The following ZNF12 variants were observed in gnomAD, a reference collection of about 807,000 sequenced individuals.
The protein encoded by ZNF12 is gonadotropin inducible transcription repressor 3.
In ZNF12, 34 loss-of-function variants were observed where a neutral mutation model predicts 66.6. The observed-to-expected ratio is 0.51, with a 90% CI of 0.39 to 0.68. The LOEUF is 0.68. Ranked by LOEUF, ZNF12 falls within the 30% of genes least tolerant of loss-of-function variation. The pLI is 0.00. For missense variants in ZNF12, 697 were observed against 826.9 expected, an observed-to-expected ratio of 0.84 and a Z score of 1.93; for synonymous variants, 320 against 278.9, an observed-to-expected ratio of 1.15 and a Z score of -1.47.
At chr7:6,693,888 C>T (rs1363375155) in intron 4 of ZNF12, among the ~76,000 whole-genome samples, 1 of 152,202 alleles carries the variant, frequency 6.6e-6, no homozygotes, top group Non-Finnish European at 1.5e-5. Context: ...AGATCCCTGG[C>T]CGGGCGTGGT....
rs1448812428 is a variant in ZNF12 at position 6,705,362 on chromosome 7, T to A, written c.-50-139A>T. On this transcript the variant is annotated intron_variant, in intron 1 of 4. Transcript: ENST00000405858. This position sits in a 1 kb window ranked among gnomAD's most constrained non-coding sequence, Gnocchi z 4.0. ...TGTCCCTTTAAGCCTTCAGAAGGGATTGGAAAATGATCAGGAGGGGGACCG... is the reference window on the plus strand; with the variant it reads ...TGTCCCTTTAAGCCTTCAGAAGGGAATGGAAAATGATCAGGAGGGGGACCG... 9.9e-6 allele frequency: 6 copies of A among 608,442 alleles called. No homozygotes were observed. In the East Asian group the frequency reaches 1.7e-4, roughly 18 times the overall value. 37.7% of individuals were successfully genotyped at this position (608,442 alleles called of 1,614,324 possible). A position where few individuals can be genotyped will look rare whatever the true frequency, so the allele number is the denominator to read the frequency against.
chr7:6,693,969 A>T (rs1583463832), intron 4 of ZNF12, among the ~76,000 whole-genome samples: 1 of 151,888 alleles, frequency 6.6e-6, no homozygotes, highest in South Asian at 2.1e-4. Context: ...GGAGTTCGAG[A>T]CCAGCCTGGC....
At chr7:6,702,325 C>CACACACACACACACA (rs58794992) in intron 2 of ZNF12, among the ~76,000 whole-genome samples, 2 of 10,660 alleles carry the variant, frequency 1.9e-4, no homozygotes, top group African/African-American at 5.9e-4. Context: ...CACACACACA[C>CACACACACACACACA]CAGATTCGTC....
chr7:6,702,321 C>CACACACACAT (rs1780259708), intron 2 of ZNF12, among the ~76,000 whole-genome samples: 1 of 147,908 alleles, frequency 6.8e-6, no homozygotes, highest in Non-Finnish European at 1.5e-5. Flanking sequence ...CACACACACA[C>CACACACACAT]ACACCAGATT....
chr7:6,698,061 T>A lies in ZNF12; in HGVS notation c.16-250A>T. 1.4e-6 allele frequency: 1 copy of A among 692,200 alleles called. No individual in the cohort carries two copies. Among genetic ancestry groups the A allele is most frequent in the Non-Finnish European group, 2.7e-6 (1 of 373,180 alleles). The allele number at this position is 692,200 out of a possible 1,614,324, so 42.9% of individuals were successfully genotyped here. ...GTGAGCCAGAAACAATCCTGGCTGTTGGGAACTCTTAACACCAGCAGGGAC... is the reference window on the plus strand; with the variant it reads ...GTGAGCCAGAAACAATCCTGGCTGTAGGGAACTCTTAACACCAGCAGGGAC... On this transcript the variant is annotated intron_variant, in intron 2 of 4. Coordinates refer to ENST00000405858, the MANE Select transcript of ZNF12 (RefSeq NM_016265.4). This position sits in a 1 kb window ranked among gnomAD's most constrained non-coding sequence, Gnocchi z 4.4.
Position 6,698,424 on chromosome 7 carries a change from C to T in ZNF12, c.16-613G>A, listed in dbSNP as rs1354721083. Reference sequence around the variant, plus strand: ...CAGTCCAGGCCTCTCTCCTAAATTCCAGACACATATGTCCCAGATGGCAAA... The same window carrying T: ...CAGTCCAGGCCTCTCTCCTAAATTCTAGACACATATGTCCCAGATGGCAAA... On this transcript the variant is annotated intron_variant, in intron 2 of 4. Coordinates refer to ENST00000405858, the MANE Select transcript of ZNF12 (RefSeq NM_016265.4). The surrounding 1 kb of genome is among the most constrained non-coding windows in gnomAD (Gnocchi z 4.4). Among the ~76,000 whole-genome samples the T allele has an allele frequency of 6.6e-6, 1 of 152,154 alleles. No homozygotes were observed. Among genetic ancestry groups the T allele is most frequent in the Admixed American group, 6.5e-5 (1 of 15,278 alleles).
intron 4 of ZNF12, among the ~76,000 whole-genome samples, chr7:6,695,694 A>G (rs1022165030): frequency 8.5e-5 from 13 of 152,258 alleles, no homozygotes; most frequent in African/African-American, 2.9e-4. Flanking sequence ...AAACAGCTCA[A>G]GCAAAATATA....
chr7:6,695,834 G>C (rs1238617716), intron 4 of ZNF12, among the ~76,000 whole-genome samples: 1 of 152,182 alleles, frequency 6.6e-6, no homozygotes, highest in Non-Finnish European at 1.5e-5. Flanking sequence ...GAAGATTTGA[G>C]GTCAGACTTA....
chr7:6,690,930 T>C lies in ZNF12; in HGVS notation c.2012A>G (p.Tyr671Cys), dbSNP rs1562597539. The change falls in exon 5 of 5, where the codon TAC (tyrosine) becomes TGC (cysteine). Residue 671 changes from tyrosine to cysteine, a missense_variant. Coordinates refer to ENST00000405858, the MANE Select transcript of ZNF12 (RefSeq NM_016265.4). ...YECTECGKKF[Y>C]HKSAFNSHQR... ...ATGGCTGTTGAATGCTGATTTGTGG[T>C]AGAATTTTTTTCCACATTCAGTACA... 1 of 1,614,102 alleles carries C rather than the reference T, an allele frequency of 6.2e-7. No individual in the cohort carries two copies.
intron 2 of ZNF12, among the ~76,000 whole-genome samples, chr7:6,700,155 G>T (rs898491628): frequency 8.6e-5 from 13 of 151,824 alleles, no homozygotes; most frequent in Non-Finnish European, 1.3e-4. Flanking sequence ...CGTGGTGGCA[G>T]GCACCTGTAG....
At chr7:6,695,715 A>G (rs1780144607) in intron 4 of ZNF12, among the ~76,000 whole-genome samples, 1 of 152,266 alleles carries the variant, frequency 6.6e-6, no homozygotes, top group Admixed American at 6.5e-5. Flanking sequence ...GACACTATCG[A>G]ATAACAGATT....
chr7:6,699,579 T>A (rs1432906848), intron 2 of ZNF12, among the ~76,000 whole-genome samples: 3 of 152,234 alleles, frequency 2.0e-5, no homozygotes, highest in African/African-American at 4.8e-5. Flanking sequence ...GTGCACACTT[T>A]GTTCAGACGT....
chr7:6,701,825 C>T (rs1780247763), intron 2 of ZNF12, among the ~76,000 whole-genome samples: 1 of 152,050 alleles, frequency 6.6e-6, no homozygotes, highest in Admixed American at 6.5e-5. Context: ...ATTTCTCATT[C>T]TCGACAGAAT....
rs902585827 is a variant in ZNF12 at position 6,698,108 on chromosome 7, C to T, written c.16-297G>A. ...GGACGAATCTCACCCCTGAGGAGCA[C>T]AGGCCTGGGGACACTCACAGAACCC... On this transcript the variant is annotated intron_variant, in intron 2 of 4. Transcript: ENST00000405858. The surrounding 1 kb of genome is among the most constrained non-coding windows in gnomAD (Gnocchi z 4.4). 6 of 584,550 alleles carry T rather than the reference C, an allele frequency of 1.0e-5. No individual in the cohort carries two copies. The highest frequency in any genetic ancestry group is 1.6e-5 in the Non-Finnish European group (5 of 308,084). 36.2% of individuals were successfully genotyped at this position (584,550 alleles called of 1,614,324 possible).
At position 6,691,142 on chromosome 7, in the gene ZNF12, T is replaced by G; in HGVS notation, c.1800A>C (p.Thr600=). The change falls in exon 5 of 5, where the codon ACA becomes ACC. Residue 600 remains threonine (T), a synonymous_variant. Transcript: ENST00000405858. The stretch of plus-strand genomic sequence containing the variant: ...CATAACATTCGTAGGCTTTCTCTCC[T>G]GTGTGTGTTCTCTGATGTCGATTAA... ...SALNRHQRTH[T]GEKAYECYEC... 6.2e-7 allele frequency: 1 copy of G among 1,614,138 alleles called. No individual in the cohort carries two copies. Among genetic ancestry groups the G allele is most frequent in the Non-Finnish European group, 8.5e-7 (1 of 1,179,994 alleles).
At position 6,696,572 on chromosome 7, in the gene ZNF12, C is replaced by T. The variant is rs1325101890; in HGVS notation, c.238+767G>A. Among the ~76,000 whole-genome samples the T allele has an allele frequency of 3.3e-5, 5 of 152,020 alleles. No individual in the cohort carries two copies. The highest frequency in any genetic ancestry group is 5.9e-5 in the Non-Finnish European group (4 of 68,022). ...GGCACCCTTTGAGAAACTCATAATG[C>T]GAGGAAATCACAGTAGGTAGAAACA... is the stretch of plus-strand genomic sequence containing the variant. On this transcript the variant is annotated intron_variant, in intron 4 of 4. Transcript: ENST00000405858. The surrounding 1 kb of genome is among the most constrained non-coding windows in gnomAD (Gnocchi z 4.0).
At chr7:6,695,306 CTG>C (rs1362061764) in intron 4 of ZNF12, among the ~76,000 whole-genome samples, 1 of 152,234 alleles carries the variant, frequency 6.6e-6, no homozygotes, top group African/African-American at 2.4e-5. Flanking sequence ...ATCAGAGAAG[CTG>C]TTCTTAATCT....
At chr7:6,693,826 G>A (rs767027941) in intron 4 of ZNF12, among the ~76,000 whole-genome samples, 9 of 152,196 alleles carry the variant, frequency 5.9e-5, no homozygotes, top group Non-Finnish European at 1.3e-4. Flanking sequence ...AATTCTCAGT[G>A]TGAGTGCTTT....
chr7:6,700,336 C>CACACACACACACACATAT (rs59783256), intron 2 of ZNF12, among the ~76,000 whole-genome samples: 1 of 143,016 alleles, frequency 7.0e-6, no homozygotes, highest in African/African-American at 2.8e-5. Flanking sequence ...CACACACACA[C>CACACACACACACACATAT]ATATATATAC....
Sources: gnomAD v4.1 joint callset for allele counts (sites outside exome capture counted in the v4.1 genomes callset) on GRCh38, gnomAD v4.1.1 for gene constraint, Gnocchi (gnomAD v3.1) non-coding constraint, MANE v1.5 for transcripts, NCBI Gene and HGNC (gene_info 2026-07-23, HGNC 2026-07-21) for gene names.